Variants in YAP1 observed in about 807,000 individuals in gnomAD.
YAP1 encodes the protein Yes1 associated transcriptional regulator.
In YAP1, 5 loss-of-function variants were observed where a neutral mutation model predicts 56.9. That is an observed-to-expected ratio of 0.09 (90% confidence interval 0.05 to 0.18). The LOEUF is 0.18. YAP1 is among the 10% of genes least tolerant of loss of function. YAP1 has a pLI of 1.00. For missense variants in YAP1, 539 were observed against 651.8 expected (o/e 0.83, Z 1.88); for synonymous variants, 265 against 248.1 (o/e 1.07, Z -0.64).
At chr11:102,200,602 G>A (rs1417079495) in intron 4 of YAP1, among the ~76,000 whole-genome samples, 1 of 151,286 alleles carries the variant, frequency 6.6e-6, no homozygotes, top group Non-Finnish European at 1.5e-5. Context: ...CTGCCACCAC[G>A]CCCAGCTAAT....
intron 5 of YAP1, among the ~76,000 whole-genome samples, chr11:102,207,053 T>C (rs989037170): frequency 3.3e-5 from 5 of 152,178 alleles, no homozygotes; most frequent in African/African-American, 9.6e-5. Flanking sequence ...TTTTACTTTA[T>C]CTTATTTCAG....
intron 2 of YAP1, among the ~76,000 whole-genome samples, chr11:102,133,210 AT>A (rs1448410908): frequency 6.6e-6 from 1 of 152,182 alleles, no homozygotes; most frequent in Non-Finnish European, 1.5e-5. Flanking sequence ...AAATACTAGG[AT>A]TTTACTTAAA....
chr11:102,180,520 A>C (rs1947532030), intron 3 of YAP1, among the ~76,000 whole-genome samples: 1 of 151,322 alleles, frequency 6.6e-6, no homozygotes, highest in African/African-American at 2.4e-5. Context: ...GTCTCTACTA[A>C]AAGTACAAAA....
At chr11:102,151,610 G>A (rs1945661925) in intron 2 of YAP1, among the ~76,000 whole-genome samples, 1 of 152,158 alleles carries the variant, frequency 6.6e-6, no homozygotes, top group South Asian at 2.1e-4. Context: ...CCCACTAGAA[G>A]ATAAGCTCCT....
intron 2 of YAP1, among the ~76,000 whole-genome samples, chr11:102,142,459 G>T (rs1591208052): frequency 6.6e-6 from 1 of 152,262 alleles, no homozygotes; most frequent in East Asian, 1.9e-4. Context: ...TTTCTGATTT[G>T]TACTTTTCTC....
chr11:102,181,008 C>T (rs1271143685), intron 3 of YAP1, among the ~76,000 whole-genome samples: 2 of 151,866 alleles, frequency 1.3e-5, no homozygotes, highest in African/African-American at 2.4e-5. Context: ...AATAGCTGAG[C>T]GTGGTGGTGT....
intron 2 of YAP1, among the ~76,000 whole-genome samples, chr11:102,141,652 G>A (rs1945031397): frequency 6.6e-6 from 1 of 152,162 alleles, no homozygotes; most frequent in African/African-American, 2.4e-5. Flanking sequence ...GAATCCTTTT[G>A]TTGACTTTGC....
chr11:102,207,254 G>A (rs1251233509), intron 5 of YAP1, among the ~76,000 whole-genome samples: 1 of 151,898 alleles, frequency 6.6e-6, no homozygotes. Context: ...CTCTCCTATG[G>A]GGCCTAAATA....
chr11:102,202,672 G>A (rs1397815672), intron 4 of YAP1, among the ~76,000 whole-genome samples: 1 of 151,958 alleles, frequency 6.6e-6, no homozygotes, highest in Admixed American at 6.6e-5. Context: ...AATAATACAT[G>A]GGAAGGAATG....
At chr11:102,123,634 T>TTTC (rs1172774460) in intron 2 of YAP1, among the ~76,000 whole-genome samples, 6 of 98,000 alleles carry the variant, frequency 6.1e-5, no homozygotes, top group African/African-American at 2.0e-4. Flanking sequence ...TTTCTTTTCT[T>TTTC]TTTTTTTTTT....
intron 2 of YAP1, among the ~76,000 whole-genome samples, chr11:102,126,221 C>T (rs1262627464): frequency 6.6e-6 from 1 of 152,110 alleles, no homozygotes; most frequent in Non-Finnish European, 1.5e-5. Context: ...AGGAAGTTGC[C>T]AATTTTCTAA....
intron 2 of YAP1, among the ~76,000 whole-genome samples, chr11:102,123,356 G>A (rs1172641235): frequency 1.3e-5 from 2 of 152,110 alleles, no homozygotes; most frequent in Admixed American, 1.3e-4. Context: ...CTTCAGAGTT[G>A]TCATGTTAGG....
At chr11:102,211,562 T>C (rs1245545276) in intron 6 of YAP1, among the ~76,000 whole-genome samples, 1 of 152,226 alleles carries the variant, frequency 6.6e-6, no homozygotes, top group Admixed American at 6.5e-5. Context: ...GAAATTCAAG[T>C]ATAGGGTTAT....
At chr11:102,189,800 A>G (rs191491447) in intron 4 of YAP1, among the ~76,000 whole-genome samples, 30 of 152,346 alleles carry the variant, frequency 2.0e-4, no homozygotes, top group African/African-American at 4.8e-4. Flanking sequence ...CCTATATGCA[A>G]TTTATTAAAA....
At chr11:102,115,179 G>T (rs1047709355) in intron 2 of YAP1, among the ~76,000 whole-genome samples, 2 of 152,094 alleles carry the variant, frequency 1.3e-5, no homozygotes, top group African/African-American at 4.8e-5. Flanking sequence ...TTACAGATAA[G>T]ACCTCAATTT....
intron 5 of YAP1, among the ~76,000 whole-genome samples, chr11:102,209,018 T>C (rs532606276): frequency 2.0e-4 from 30 of 152,328 alleles, no homozygotes; most frequent in African/African-American, 7.0e-4. Flanking sequence ...AGGTAACTTC[T>C]TTGTTTCATC....
At chr11:102,119,823 T>C (rs1301271481) in intron 2 of YAP1, among the ~76,000 whole-genome samples, 1 of 152,128 alleles carries the variant, frequency 6.6e-6, no homozygotes, top group Non-Finnish European at 1.5e-5. Context: ...CTAAACTGTT[T>C]TATTGCCAAA....
At chr11:102,194,143 T>C (rs1349977025) in intron 4 of YAP1, among the ~76,000 whole-genome samples, 1 of 152,232 alleles carries the variant, frequency 6.6e-6, no homozygotes. Flanking sequence ...TTTCAAGTTA[T>C]ATTTGTATTA....
chr11:102,169,164 A>T (rs1041749667), intron 3 of YAP1, among the ~76,000 whole-genome samples: 2 of 152,060 alleles, frequency 1.3e-5, no homozygotes, highest in African/African-American at 4.8e-5. Flanking sequence ...TGAGATAATA[A>T]CTCATAGGGC....
Sources: allele counts gnomAD v4.1 joint callset (sites outside exome capture counted in the v4.1 genomes callset), GRCh38; gene constraint gnomAD v4.1.1; transcripts MANE v1.5; gene names NCBI Gene and HGNC (gene_info 2026-07-23, HGNC 2026-07-21).